The following ART3 variants were observed in gnomAD, a reference collection of about 807,000 sequenced individuals.
ART3 encodes the protein ecto-ADP-ribosyltransferase 3.
ART3 carries 49 observed loss-of-function variants against 48.5 expected under a neutral mutation model. The ratio of observed to expected loss-of-function variants is 1.01; its 90% CI spans 0.80 to 1.28. The LOEUF (loss-of-function observed/expected upper bound fraction) is 1.28. ART3 is among the 50% of genes most tolerant of loss of function. The probability of loss-of-function intolerance (pLI) is 0.00; values close to 1 mark genes in which losing one functional copy is unlikely to be tolerated. For synonymous variants in ART3, 145 were observed against 157.2 expected, an observed-to-expected ratio of 0.92 and a Z score of 0.58; for missense variants, 438 against 454.3, an observed-to-expected ratio of 0.96 and a Z score of 0.33.
chr4:76,031,538 C>G (rs1016878703), intron 1 of ART3, among the ~76,000 whole-genome samples: 1 of 152,204 alleles, frequency 6.6e-6, no homozygotes, highest in Non-Finnish European at 1.5e-5. Context: ...TAGGGTCACT[C>G]TCTTCTTCAC....
chr4:76,033,168 G>A (rs1470191650), intron 1 of ART3, among the ~76,000 whole-genome samples: 2 of 152,096 alleles, frequency 1.3e-5, no homozygotes, highest in Non-Finnish European at 2.9e-5. Context: ...TTTAGTTGGA[G>A]GTTGAAGAAT....
intron 1 of ART3, among the ~76,000 whole-genome samples, chr4:76,015,439 G>A (rs1244038326): frequency 6.6e-6 from 1 of 151,828 alleles, no homozygotes; most frequent in Non-Finnish European, 1.5e-5. Context: ...GAAAAGAGGG[G>A]ACTCAAAATA....
chr4:76,025,930 T>A (rs1243866565), intron 1 of ART3, among the ~76,000 whole-genome samples: 1 of 152,172 alleles, frequency 6.6e-6, no homozygotes, highest in Non-Finnish European at 1.5e-5. Context: ...CATGATCACT[T>A]ACTTTTTTTA....
At position 76,100,330 on chromosome 4, in the gene ART3, T is replaced by C; in HGVS notation, c.877+10T>C. 3 of 1,612,316 alleles carry C rather than the reference T, an allele frequency of 1.9e-6. No homozygotes were observed. Among genetic ancestry groups the C allele is most frequent in the Middle Eastern group, 1.7e-4 (1 of 6,054 alleles). ...AAGCTTGAAGACCATAGTAAGACAT[T>C]TTTATAAATTCTGGGGGCTTGGCCA... On this transcript the variant is annotated intron_variant, in intron 6 of 11. Transcript: ENST00000355810.
intron 1 of ART3, among the ~76,000 whole-genome samples, chr4:76,017,392 G>C (rs1232698370): frequency 6.6e-6 from 1 of 151,842 alleles, no homozygotes; most frequent in Admixed American, 6.6e-5. Flanking sequence ...CCTGGAATAG[G>C]GGCCTCATGA....
chr4:76,073,373 T>C (rs1720518297), upstream of ART3, among the ~76,000 whole-genome samples: 1 of 152,200 alleles, frequency 6.6e-6, no homozygotes, highest in Admixed American at 6.5e-5. Context: ...TTTTTCTTTC[T>C]AACCAAACTC....
intron 1 of ART3, among the ~76,000 whole-genome samples, chr4:76,075,670 T>C (rs1365176508): frequency 3.9e-5 from 6 of 152,154 alleles, no homozygotes; most frequent in African/African-American, 7.2e-5. Context: ...TAAGGTGTTT[T>C]TGTTTCCTCG....
chr4:76,070,440 C>T (rs552205372), upstream of ART3, among the ~76,000 whole-genome samples: 3 of 152,214 alleles, frequency 2.0e-5, no homozygotes, highest in South Asian at 2.1e-4. Context: ...TGTTGAACAT[C>T]GTTTTCTACT....
chr4:76,105,815 G>C (rs1728346214), intron 10 of ART3: 1 of 985,320 alleles, frequency 1.0e-6, no homozygotes, highest in Admixed American at 6.1e-5. Context: ...AGCTGGGCCT[G>C]TCTATTCCAG....
At position 76,081,951 on chromosome 4, in the gene ART3, T is replaced by A; in HGVS notation, c.197T>A (p.Leu66Ter). Residue 66 changes from leucine (L) to a stop codon, truncating the protein, a stop_gained, in exon 3 of 12, where the codon TTA (leucine) becomes TAA (stop). Coordinates refer to ENST00000355810, the MANE Select transcript of ART3 (RefSeq NM_001130016.3). LOFTEE classifies it high-confidence loss of function. ...GAGGAAAAAGCAAGCCACCAGCAAT[T>A]AGATACTGTGTGGGAAAATGCAAAA... ...LKEEKASHQQ[L>*]DTVWENAKAK... The A allele has an allele frequency of 1.9e-6, 3 of 1,614,142 alleles. No homozygotes were observed. The highest frequency in any genetic ancestry group is 2.5e-6 in the Non-Finnish European group (3 of 1,180,024).
intron 1 of ART3, among the ~76,000 whole-genome samples, chr4:76,045,216 A>T (rs902686534): frequency 6.6e-6 from 1 of 151,896 alleles, no homozygotes; most frequent in Non-Finnish European, 1.5e-5. Context: ...CTTCTAAGAG[A>T]TCATCTCGGG....
At chr4:76,026,898 T>C (rs1733438472) in intron 1 of ART3, among the ~76,000 whole-genome samples, 1 of 152,232 alleles carries the variant, frequency 6.6e-6, no homozygotes, top group African/African-American at 2.4e-5. Flanking sequence ...TATTTATCCT[T>C]GATGGGTTTA....
At chr4:76,096,694 C>T (rs557664210) in intron 3 of ART3, among the ~76,000 whole-genome samples, 4 of 152,206 alleles carry the variant, frequency 2.6e-5, no homozygotes, top group Non-Finnish European at 5.9e-5. Flanking sequence ...AGGGGAATCA[C>T]TGCAGTGCTG....
intron 1 of ART3, chr4:76,035,007 A>G (rs757852620): frequency 1.1e-5 from 17 of 1,538,178 alleles, no homozygotes; most frequent in Non-Finnish European, 1.4e-5. Flanking sequence ...TCTGTCTTGG[A>G]TAAAACAGAT....
intron 1 of ART3, among the ~76,000 whole-genome samples, chr4:76,054,046 T>C (rs1258726191): frequency 1.3e-5 from 2 of 152,210 alleles, no homozygotes; most frequent in African/African-American, 2.4e-5. Flanking sequence ...TGAGCAACTT[T>C]ACAAGCGACT....
chr4:76,034,741 G>T (rs370632418), intron 1 of ART3: 1 of 1,330,946 alleles, frequency 7.5e-7, no homozygotes, highest in Non-Finnish European at 1.1e-6. Context: ...AGTTAAACTT[G>T]TTCTAGGTTT....
chr4:76,102,964 A>G (rs1378158180), intron 8 of ART3, among the ~76,000 whole-genome samples: 9 of 152,276 alleles, frequency 5.9e-5, no homozygotes, highest in Admixed American at 6.5e-5. Context: ...TCTTATCATC[A>G]GTTAGGCTCC....
chr4:76,050,527 C>T (rs951769638), intron 1 of ART3, among the ~76,000 whole-genome samples: 1 of 152,218 alleles, frequency 6.6e-6, no homozygotes, highest in African/African-American at 2.4e-5. Flanking sequence ...GGTGTATTTG[C>T]AATCCCTGAG....
chr4:76,068,046 A>G (rs1407709878), intron 1 of ART3, among the ~76,000 whole-genome samples: 1 of 152,228 alleles, frequency 6.6e-6, no homozygotes, highest in African/African-American at 2.4e-5. Flanking sequence ...CCATTGCATT[A>G]CAGATACTTT....
Sources: allele counts gnomAD v4.1 joint callset (sites outside exome capture counted in the v4.1 genomes callset), GRCh38; gene constraint gnomAD v4.1.1; transcripts MANE v1.5; gene names NCBI Gene and HGNC (gene_info 2026-07-23, HGNC 2026-07-21).